The following DGKB variants were observed in gnomAD, a reference collection of about 807,000 sequenced individuals.
DGKB encodes the protein 90 kDa diacylglycerol kinase.
A neutral mutation model predicts 114.3 loss-of-function variants in DGKB; 67 were observed. That is an observed-to-expected ratio of 0.59 (90% CI 0.48 to 0.72). DGKB has a LOEUF of 0.72. Among genes scored for constraint, DGKB ranks in the 30% least tolerant of loss-of-function variants. The pLI is 0.00. For synonymous variants in DGKB, 398 were observed against 323.1 expected (o/e 1.23, Z -2.49); for missense variants, 907 against 975.2 (o/e 0.93, Z 0.93).
intron 20 of DGKB, among the ~76,000 whole-genome samples, chr7:14,523,172 C>T (rs1386945815): frequency 6.6e-6 from 1 of 152,118 alleles, no homozygotes; most frequent in Non-Finnish European, 1.5e-5. Context: ...AGATTTCCTT[C>T]CTAAATAATA....
intron 23 of DGKB, among the ~76,000 whole-genome samples, chr7:14,244,353 C>T (rs981160436): frequency 2.6e-5 from 4 of 151,956 alleles, no homozygotes; most frequent in South Asian, 2.1e-4. Context: ...TGATCCTCAA[C>T]GTGATATTAG....
chr7:14,161,271 T>A (rs751588503), intron 25 of DGKB, among the ~76,000 whole-genome samples: 6 of 152,202 alleles, frequency 3.9e-5, no homozygotes, highest in Non-Finnish European at 8.8e-5. Context: ...CTCAAGGATC[T>A]AGAACCAGAA....
intron 1 of DGKB, among the ~76,000 whole-genome samples, chr7:14,860,911 T>G (rs1223304691): frequency 1.3e-5 from 2 of 151,946 alleles, no homozygotes; most frequent in African/African-American, 4.8e-5. Context: ...ATTAAGATAA[T>G]AGATTTTTCT....
intron 23 of DGKB, among the ~76,000 whole-genome samples, chr7:14,279,904 G>A (rs1799660742): frequency 6.6e-6 from 1 of 151,638 alleles, no homozygotes; most frequent in Non-Finnish European, 1.5e-5. Flanking sequence ...CCACAAAGAT[G>A]GGGAAAAAAA....
chr7:14,846,465 C>G (rs961995290), intron 1 of DGKB, among the ~76,000 whole-genome samples: 1 of 152,156 alleles, frequency 6.6e-6, no homozygotes, highest in East Asian at 1.9e-4. Flanking sequence ...CGTGTAATTT[C>G]AAATACAGAG....
At chr7:14,429,964 T>C (rs905075947) in intron 21 of DGKB, among the ~76,000 whole-genome samples, 7 of 152,136 alleles carry the variant, frequency 4.6e-5, no homozygotes, top group African/African-American at 1.7e-4. Flanking sequence ...TTCGGGGAAA[T>C]TCCTGCAAGC....
intron 13 of DGKB, among the ~76,000 whole-genome samples, chr7:14,634,501 C>G (rs1250548272): frequency 2.7e-5 from 4 of 150,440 alleles, no homozygotes; most frequent in African/African-American, 4.9e-5. Flanking sequence ...CACACACACA[C>G]ACACACACAC....
intron 13 of DGKB, among the ~76,000 whole-genome samples, chr7:14,665,862 G>T (rs1327387774): frequency 6.6e-6 from 1 of 151,958 alleles, no homozygotes; most frequent in African/African-American, 2.4e-5. Flanking sequence ...GATCAGATTT[G>T]TAGCCTCCTA....
chr7:14,658,913 A>C (rs1361448959), intron 13 of DGKB, among the ~76,000 whole-genome samples: 3 of 151,828 alleles, frequency 2.0e-5, no homozygotes, highest in Non-Finnish European at 4.4e-5. Context: ...CTTCTTTTTT[A>C]AACTTTACTT....
At chr7:14,763,557 C>G (rs1161358489) in intron 2 of DGKB, among the ~76,000 whole-genome samples, 1 of 152,024 alleles carries the variant, frequency 6.6e-6, no homozygotes, top group Admixed American at 6.6e-5. Context: ...ATGACCCAAA[C>G]CCATTCTCGT....
intron 25 of DGKB, among the ~76,000 whole-genome samples, chr7:14,172,682 T>C (rs1781185194): frequency 6.6e-6 from 1 of 152,100 alleles, no homozygotes; most frequent in Non-Finnish European, 1.5e-5. Context: ...CCATTTTAGT[T>C]GTAATAAATT....
intron 21 of DGKB, among the ~76,000 whole-genome samples, chr7:14,408,941 T>C (rs370112601): frequency 1.3e-5 from 2 of 152,172 alleles, no homozygotes; most frequent in East Asian, 3.8e-4. Flanking sequence ...GATGCTAGTT[T>C]AGTTTATCAT....
chr7:14,391,917 G>T (rs531973658), intron 21 of DGKB, among the ~76,000 whole-genome samples: 1 of 152,114 alleles, frequency 6.6e-6, no homozygotes, highest in Non-Finnish European at 1.5e-5. Context: ...AGAAATGATA[G>T]AATTTATTTG....
chr7:14,850,144 C>G (rs1849155783), intron 1 of DGKB, among the ~76,000 whole-genome samples: 1 of 152,160 alleles, frequency 6.6e-6, no homozygotes, highest in Admixed American at 6.5e-5. Context: ...ATTGAAGCAT[C>G]CATTGGCAAC....
intron 1 of DGKB, among the ~76,000 whole-genome samples, chr7:14,873,306 G>C (rs1409417086): frequency 1.3e-5 from 2 of 151,960 alleles, no homozygotes; most frequent in Non-Finnish European, 2.9e-5. Context: ...ATTTTTACTT[G>C]TTCATGTATA....
At chr7:14,704,180 A>T (rs978297687) in intron 6 of DGKB, among the ~76,000 whole-genome samples, 1 of 151,804 alleles carries the variant, frequency 6.6e-6, no homozygotes, top group African/African-American at 2.4e-5. Context: ...TTATGCCTGT[A>T]ATCCCACCAC....
chr7:14,829,709 CAA>C (rs754414060), intron 2 of DGKB, among the ~76,000 whole-genome samples: 2 of 151,986 alleles, frequency 1.3e-5, no homozygotes, highest in African/African-American at 4.8e-5. Context: ...GATAAGGTAA[CAA>C]GAGGAAAATT....
At chr7:14,916,247 G>T (rs1784234565) in intron 1 of DGKB, among the ~76,000 whole-genome samples, 1 of 148,426 alleles carries the variant, frequency 6.7e-6, no homozygotes, top group Non-Finnish European at 1.5e-5. Context: ...ATATGAAATA[G>T]TTAATTAAAA....
intron 13 of DGKB, among the ~76,000 whole-genome samples, chr7:14,670,087 G>C (rs540078408): frequency 2.6e-5 from 4 of 151,976 alleles, no homozygotes; most frequent in African/African-American, 9.7e-5. Context: ...AGGCCTATTT[G>C]ATCTATAAAT....
Sources: gnomAD v4.1 joint callset for allele counts (sites outside exome capture counted in the v4.1 genomes callset) on GRCh38, gnomAD v4.1.1 for gene constraint, MANE v1.5 for transcripts, NCBI Gene and HGNC (gene_info 2026-07-23, HGNC 2026-07-21) for gene names.